The following ANKDD1B variants were observed in gnomAD, a reference collection of about 807,000 sequenced individuals.
ANKDD1B encodes the protein ankyrin repeat and death domain containing 1B.
In ANKDD1B, 57 loss-of-function variants were observed where a neutral mutation model predicts 59.7. The ratio of observed to expected loss-of-function variants is 0.95; its 90% CI spans 0.77 to 1.19. The LOEUF (loss-of-function observed/expected upper bound fraction) is 1.19, where lower values mean the gene tolerates loss of function less well. Among genes scored for constraint, ANKDD1B ranks in the 50% most tolerant of loss-of-function variants. The pLI is 0.00. For synonymous variants in ANKDD1B, 216 were observed against 239.5 expected (o/e 0.90, Z 0.91); for missense variants, 602 against 641.9 (o/e 0.94, Z 0.67).
At chr5:75,657,348 G>A (rs1775003655) in intron 9 of ANKDD1B, among the ~76,000 whole-genome samples, 1 of 151,866 alleles carries the variant, frequency 6.6e-6, no homozygotes, top group African/African-American at 2.4e-5. Flanking sequence ...TATAAAATAT[G>A]TATGTAAAAT....
intron 10 of ANKDD1B, among the ~76,000 whole-genome samples, chr5:75,661,924 T>TTTTG (rs397998174): frequency 1.5e-5 from 2 of 129,534 alleles, no homozygotes; most frequent in Non-Finnish European, 3.3e-5. Flanking sequence ...TTTTTTTTTT[T>TTTTG]GCCAAAGAAA....
chr5:75,652,602 C>T (rs540632272), intron 7 of ANKDD1B, among the ~76,000 whole-genome samples: 2 of 152,194 alleles, frequency 1.3e-5, no homozygotes, highest in Non-Finnish European at 2.9e-5. Flanking sequence ...GACACACCAC[C>T]AAGCCCAGCT....
intron 11 of ANKDD1B, 52 bp from the exon 12 acceptor site, chr5:75,666,740 G>A (rs1185698486): frequency 5.4e-6 from 7 of 1,298,602 alleles, no homozygotes; most frequent in Non-Finnish European, 7.5e-6. Context: ...CTGAAATAAG[G>A]TAATAAGTAG....
chr5:75,644,106 A>C (rs1170684063), intron 7 of ANKDD1B, among the ~76,000 whole-genome samples: 2 of 109,394 alleles, frequency 1.8e-5, no homozygotes, highest in Admixed American at 8.7e-5. Flanking sequence ...AGCGCTAAAC[A>C]TGGAAAGGAA....
rs1774876999 is a variant in ANKDD1B, at chr5:75,653,255, ATG to A, written c.897+16_897+17del. ...AGAAAGTGGAAGTGAGTTTATTCCA[ATG>A]ACACGGGCTTTGGTCCTGGCGCCGT... On this transcript the variant is annotated intron_variant, in intron 8 of 13. Coordinates refer to ENST00000601380, the MANE Select transcript of ANKDD1B (RefSeq NM_001276713.2). 1 of 1,527,610 alleles carries A rather than the reference ATG, an allele frequency of 6.5e-7. No homozygotes were observed. Among genetic ancestry groups the A allele is most frequent in the Non-Finnish European group, 8.8e-7 (1 of 1,139,224 alleles). 94.6% of individuals were successfully genotyped at this position (1,527,610 alleles called of 1,614,324 possible).
chr5:75,631,405 T>C (rs1774154824), intron 5 of ANKDD1B, among the ~76,000 whole-genome samples: 1 of 152,214 alleles, frequency 6.6e-6, no homozygotes, highest in Non-Finnish European at 1.5e-5. Flanking sequence ...AAATTCCATC[T>C]AGACTGGGAA....
chr5:75,628,759 T>C (rs1438639824), intron 5 of ANKDD1B, among the ~76,000 whole-genome samples: 1 of 152,170 alleles, frequency 6.6e-6, no homozygotes, highest in African/African-American at 2.4e-5. Context: ...CTGGGAAACC[T>C]TCTGAGATTT....
intron 7 of ANKDD1B, among the ~76,000 whole-genome samples, chr5:75,639,677 G>A (rs1253150670): frequency 6.6e-6 from 1 of 152,208 alleles, no homozygotes; most frequent in Non-Finnish European, 1.5e-5. Flanking sequence ...TAAGGCAGTT[G>A]TTAAGCAGAA....
At chr5:75,613,202 A>G (rs1036265408) in intron 1 of ANKDD1B, among the ~76,000 whole-genome samples, 1 of 152,216 alleles carries the variant, frequency 6.6e-6, no homozygotes, top group Non-Finnish European at 1.5e-5. Context: ...GACAGCAATT[A>G]TAGAATACTT....
At chr5:75,632,463 G>A (rs1227047543) in intron 5 of ANKDD1B, among the ~76,000 whole-genome samples, 1 of 152,144 alleles carries the variant, frequency 6.6e-6, no homozygotes, top group African/African-American at 2.4e-5. Context: ...AATAAAAATA[G>A]GATAAGCCAA....
intron 5 of ANKDD1B, among the ~76,000 whole-genome samples, chr5:75,628,460 T>C (rs1774048740): frequency 6.6e-6 from 1 of 152,238 alleles, no homozygotes; most frequent in African/African-American, 2.4e-5. Context: ...GGTCTATTGA[T>C]TTACTGCTGG....
chr5:75,635,647 A>G (rs1581139392), intron 6 of ANKDD1B, 137 bp from the exon 7 acceptor site: 1 of 434,062 alleles, frequency 2.3e-6, no homozygotes. Context: ...TTAAAACTGC[A>G]GATACAGTGG....
intron 5 of ANKDD1B, 112 bp from the exon 6 acceptor site, chr5:75,634,786 G>C (rs186140187): frequency 3.5e-4 from 230 of 657,714 alleles, no homozygotes; most frequent in African/African-American, 2.6e-3. Context: ...CCTCCCTGAA[G>C]AAGGGCCATC....
chr5:75,615,001 G>GT (rs1351526988), intron 1 of ANKDD1B, among the ~76,000 whole-genome samples: 12 of 152,232 alleles, frequency 7.9e-5, no homozygotes, highest in Non-Finnish European at 1.3e-4. Flanking sequence ...ATAAATTTCT[G>GT]TTTTTTTAAA....
intron 13 of ANKDD1B, among the ~76,000 whole-genome samples, chr5:75,669,756 A>G (rs1775423556): frequency 6.6e-6 from 1 of 152,172 alleles, no homozygotes; most frequent in Non-Finnish European, 1.5e-5. Flanking sequence ...TCAAAATGCC[A>G]TTTTACCCCT....
At position 75,625,853 on chromosome 5, in the gene ANKDD1B, T is replaced by C; in HGVS notation, c.498T>C (p.Asp166=). 6.5e-7 allele frequency: 1 copy of C among 1,536,178 alleles called. No homozygotes were observed. Among genetic ancestry groups the C allele is most frequent in the South Asian group, 1.2e-5 (1 of 84,062 alleles). Residue 166 remains aspartate, a splice_region_variant and synonymous_variant, in exon 5 of 14, where the codon GAT becomes GAC. Transcript: ENST00000601380. ...AGADQRAKNQ[D]GMSALHFATQ... Reference sequence around the variant, plus strand: ...CCCCCACCCCTGGTTCTCTTCAGGATGGAATGAGCGCCCTCCACTTTGCCA... The same window carrying C: ...CCCCCACCCCTGGTTCTCTTCAGGACGGAATGAGCGCCCTCCACTTTGCCA...
At chr5:75,631,980 G>A (rs956996553) in intron 5 of ANKDD1B, among the ~76,000 whole-genome samples, 5 of 151,732 alleles carry the variant, frequency 3.3e-5, no homozygotes, top group Non-Finnish European at 7.4e-5. Context: ...TGTGGTGCGC[G>A]CCTGTAATCC....
intron 1 of ANKDD1B, among the ~76,000 whole-genome samples, chr5:75,612,331 CTCCGCCCCG>C (rs1561428264): frequency 1.2e-5 from 1 of 85,640 alleles, no homozygotes; most frequent in African/African-American, 3.8e-5. Flanking sequence ...CCCCCCCGCC[CTCCGCCCCG>C]CCCCCGCCCT....
rs1775055161 is a variant in ANKDD1B at position 75,659,316 on chromosome 5, C to T, written c.1030C>T (p.Arg344Cys). 3 of 1,535,998 alleles carry T rather than the reference C, an allele frequency of 2.0e-6. No individual in the cohort carries two copies. Among genetic ancestry groups the T allele is most frequent in the Non-Finnish European group, 2.6e-6 (3 of 1,146,852 alleles). Residue 344 changes from arginine to cysteine, a missense_variant, in exon 10 of 14, where the codon CGT becomes TGT. By Grantham distance (180) the Arg-to-Cys change is radical. This residue lies in a region of ANKDD1B where 280 missense variants were observed against 319.8 expected (regional missense o/e 0.88). Transcript: ENST00000601380. ...QQTPLHVAAD[R>C]GNVELVETLL... Reference sequence around the variant, plus strand: ...AACCCCTCTGCATGTAGCTGCTGATCGTGGAAATGTGGAACTGGTGGAAAC... The same window carrying T: ...AACCCCTCTGCATGTAGCTGCTGATTGTGGAAATGTGGAACTGGTGGAAAC...
Sources: allele counts gnomAD v4.1 joint callset (sites outside exome capture counted in the v4.1 genomes callset), GRCh38; gene constraint gnomAD v4.1.1; regional missense constraint gnomAD v4.1.1; transcripts MANE v1.5; gene names NCBI Gene and HGNC (gene_info 2026-07-23, HGNC 2026-07-21).